Variants in NOVA1 observed in about 807,000 individuals in gnomAD.
NOVA1 encodes the protein NOVA alternative splicing regulator 1, also known as RNA-binding protein Nova-1.
In NOVA1, 7 loss-of-function variants were observed where a neutral mutation model predicts 38.0. That is an observed-to-expected ratio of 0.18 (90% CI 0.10 to 0.35). The LOEUF (loss-of-function observed/expected upper bound fraction) is 0.35. NOVA1 is among the 10% of genes least tolerant of loss of function. The pLI is 1.00. For missense variants in NOVA1, 460 were observed against 616.0 expected, an observed-to-expected ratio of 0.75 and a Z score of 2.68; for synonymous variants, 270 against 232.5, an observed-to-expected ratio of 1.16 and a Z score of -1.47.
intron 2 of NOVA1, among the ~76,000 whole-genome samples, chr14:26,563,439 TAA>T (rs930547133): frequency 1.8e-4 from 28 of 151,766 alleles, no homozygotes; most frequent in African/African-American, 6.0e-4. Flanking sequence ...AAAAGTTTAG[TAA>T]GTCCCTGAAT....
chr14:26,544,161 T>C (rs1245977530), intron 2 of NOVA1, among the ~76,000 whole-genome samples: 1 of 151,594 alleles, frequency 6.6e-6, no homozygotes, highest in African/African-American at 2.4e-5. Flanking sequence ...TTAAAGGAAC[T>C]TACCTAAAGG....
In NOVA1 at chr14:26,485,042, A is replaced by G. The variant is rs143977001; in HGVS notation, c.281-4899T>C. On this transcript the variant is annotated intron_variant, in intron 2 of 4. Coordinates refer to ENST00000539517, the MANE Select transcript of NOVA1 (RefSeq NM_002515.3). ...TAAGAGAAATAAAACACAGAGAAAG[A>G]ATAGTAAAAGAAAATAACTGTTATG... 3.3e-3 allele frequency among the ~76,000 whole-genome samples: 507 copies of G among 152,332 alleles called. 3 individuals carry two copies. The highest frequency in any genetic ancestry group is 0.012 in the African/African-American group (487 of 41,564).
At chr14:26,562,369 C>T (rs1270937132) in intron 2 of NOVA1, among the ~76,000 whole-genome samples, 1 of 152,084 alleles carries the variant, frequency 6.6e-6, no homozygotes, top group Non-Finnish European at 1.5e-5. Context: ...AAAATCTATA[C>T]AAAAGCACTT....
intron 4 of NOVA1, 28 bp downstream of exon 4, chr14:26,472,292 T>C (rs371167218): frequency 2.5e-4 from 341 of 1,380,740 alleles, no homozygotes; most frequent in Non-Finnish European, 3.4e-4. Flanking sequence ...GTGAAAAGTA[T>C]GGTGTAGATG....
At chr14:26,541,200 A>C (rs753202355) in intron 2 of NOVA1, among the ~76,000 whole-genome samples, 9 of 152,098 alleles carry the variant, frequency 5.9e-5, no homozygotes, top group Non-Finnish European at 1.0e-4. Flanking sequence ...ACAGTGGGAA[A>C]ATGTGAAGTT....
intron 1 of NOVA1, chr14:26,596,140 T>G (rs1358575279): frequency 4.3e-6 from 1 of 232,748 alleles, no homozygotes; most frequent in Non-Finnish European, 8.6e-6. Flanking sequence ...TGCCAGGAAA[T>G]AACTCAGTGT....
chr14:26,572,518 A>G (rs1447025250), intron 2 of NOVA1, among the ~76,000 whole-genome samples: 2 of 152,220 alleles, frequency 1.3e-5, no homozygotes, highest in Non-Finnish European at 1.5e-5. Context: ...TAAGGGTACA[A>G]TGTCAATAAA....
chr14:26,488,860 A>G (rs912933176), intron 2 of NOVA1, among the ~76,000 whole-genome samples: 1 of 152,252 alleles, frequency 6.6e-6, no homozygotes. Context: ...GGCACTTGAA[A>G]TTCTTCTATC....
At chr14:26,596,864 G>T in intron 1 of NOVA1, 1 of 1,130,492 alleles carries the variant, frequency 8.8e-7, no homozygotes. Context: ...CCAGTCATTC[G>T]CAATCCGCTA....
At chr14:26,520,357 C>A (rs1326925125) in intron 2 of NOVA1, among the ~76,000 whole-genome samples, 4 of 152,132 alleles carry the variant, frequency 2.6e-5, no homozygotes, top group Non-Finnish European at 5.9e-5. Context: ...ATTTTGGTAT[C>A]CACGAAGGTG....
chr14:26,565,495 T>G (rs534380844), intron 2 of NOVA1, among the ~76,000 whole-genome samples: 1 of 152,260 alleles, frequency 6.6e-6, no homozygotes, highest in African/African-American at 2.4e-5. Context: ...TTTCACCATT[T>G]TTCGTTTTTT....
At chr14:26,509,971 C>T (rs925785626) in intron 2 of NOVA1, among the ~76,000 whole-genome samples, 1 of 152,116 alleles carries the variant, frequency 6.6e-6, no homozygotes, top group Admixed American at 6.6e-5. Flanking sequence ...TGAGCCACCG[C>T]GCCTGGCCAA....
At chr14:26,478,684 A>G (rs1347928945) in intron 3 of NOVA1, among the ~76,000 whole-genome samples, 1 of 151,910 alleles carries the variant, frequency 6.6e-6, no homozygotes, top group Non-Finnish European at 1.5e-5. Context: ...GAAAAATAAA[A>G]TATCCACTGA....
At chr14:26,596,208 C>G (rs1051038469) in intron 1 of NOVA1, 2 of 245,262 alleles carry the variant, frequency 8.2e-6, no homozygotes, top group African/African-American at 4.6e-5. Flanking sequence ...CTTAGTCTAC[C>G]GTGATCTCGT....
At chr14:26,480,832 A>G (rs1445132364) in intron 2 of NOVA1, among the ~76,000 whole-genome samples, 4 of 152,134 alleles carry the variant, frequency 2.6e-5, no homozygotes, top group Non-Finnish European at 4.4e-5. Flanking sequence ...TATTGATGAT[A>G]TAATTTTAAT....
intron 2 of NOVA1, among the ~76,000 whole-genome samples, chr14:26,577,735 G>A (rs1892950114): frequency 6.6e-6 from 1 of 152,114 alleles, no homozygotes; most frequent in South Asian, 2.1e-4. Context: ...TTAAGATGGA[G>A]AAGACTGAGA....
intron 2 of NOVA1, among the ~76,000 whole-genome samples, chr14:26,536,701 T>C (rs1890122341): frequency 6.6e-6 from 1 of 152,102 alleles, no homozygotes; most frequent in Admixed American, 6.6e-5. Flanking sequence ...TAAGAAAAGT[T>C]ATTTTAAGCA....
At chr14:26,587,324 C>A (rs201765032) in intron 2 of NOVA1, among the ~76,000 whole-genome samples, 7,079 of 105,390 alleles carry the variant, frequency 0.067, 202 homozygotes, top group South Asian at 0.15. Context: ...AAAAAAAAAA[C>A]AAAAATCTAA....
chr14:26,503,914 G>C (rs1450007722), intron 2 of NOVA1, among the ~76,000 whole-genome samples: 3 of 151,834 alleles, frequency 2.0e-5, no homozygotes, highest in Non-Finnish European at 4.4e-5. Flanking sequence ...TGGTATGTTT[G>C]GTGCTTCTTT....
Sources: allele counts gnomAD v4.1 joint callset (sites outside exome capture counted in the v4.1 genomes callset), GRCh38; gene constraint gnomAD v4.1.1; transcripts MANE v1.5; gene names NCBI Gene and HGNC (gene_info 2026-07-23, HGNC 2026-07-21).